The following MYOM1 variants were observed in gnomAD, a reference collection of about 807,000 sequenced individuals.
The protein encoded by MYOM1 is myomesin-1.
In MYOM1, 164 loss-of-function variants were observed where a neutral mutation model predicts 205.3. The ratio of observed to expected loss-of-function variants is 0.80; its 90% confidence interval spans 0.70 to 0.91. The LOEUF (loss-of-function observed/expected upper bound fraction) is 0.91. MYOM1 is among the 40% of genes least tolerant of loss of function. The pLI, the probability that MYOM1 is intolerant of heterozygous loss-of-function variation, is 0.00. For synonymous variants in MYOM1, 772 were observed against 789.4 expected (o/e 0.98, Z 0.37); for missense variants, 2,011 against 2,127.3 (o/e 0.95, Z 1.08).
chr18:3,197,717 CA>C (rs1007617656), intron 2 of MYOM1, among the ~76,000 whole-genome samples: 1 of 151,442 alleles, frequency 6.6e-6, no homozygotes, highest in Admixed American at 6.6e-5. Context: ...ACTAAAAATA[CA>C]AAAAATTAGC....
At chr18:3,137,912 G>A (rs184910232) in intron 14 of MYOM1, among the ~76,000 whole-genome samples, 60 of 152,250 alleles carry the variant, frequency 3.9e-4, no homozygotes, top group African/African-American at 1.3e-3. Flanking sequence ...AAAATATTCA[G>A]TGTACCCTGT....
intron 2 of MYOM1, among the ~76,000 whole-genome samples, chr18:3,206,604 T>C (rs960895901): frequency 3.9e-5 from 6 of 152,224 alleles, no homozygotes; most frequent in Admixed American, 1.3e-4. Context: ...GAAAACGTTG[T>C]TTTGGATCTA....
rs35774401 is a variant in MYOM1, at chr18:3,169,962, CA to C, written c.1175-982del. Among the ~76,000 whole-genome samples, 1,401 of 149,766 alleles carry C rather than the reference CA, an allele frequency of 9.4e-3. 21 individuals are homozygous for C. The highest frequency in any genetic ancestry group is 0.032 in the African/African-American group (1,314 of 40,864). On this transcript the variant is annotated intron_variant, in intron 8 of 37. Coordinates refer to ENST00000356443, the MANE Select transcript of MYOM1 (RefSeq NM_003803.4). ...ATATACTCAATGGAATGTTATTCAG[CA>C]AAAAAAAAGATTGAAATCCTGTCAT... is the stretch of plus-strand genomic sequence containing the variant.
intron 37 of MYOM1, among the ~76,000 whole-genome samples, chr18:3,067,919 C>T (rs947160897): frequency 2.0e-5 from 3 of 152,128 alleles, no homozygotes; most frequent in Middle Eastern, 3.2e-3. Flanking sequence ...TGTCTCGGTA[C>T]AGGAATCTCA....
chr18:3,124,297 TTTTTTC>T (rs1460754079), intron 19 of MYOM1, among the ~76,000 whole-genome samples: 4 of 83,614 alleles, frequency 4.8e-5, no homozygotes, highest in Non-Finnish European at 7.0e-5. Context: ...CAAACTTTTC[TTTTTTC>T]TTTTTTTTTT....
intron 3 of MYOM1, among the ~76,000 whole-genome samples, chr18:3,193,312 ATGTATATG>A (rs1233193612): frequency 2.1e-3 from 301 of 145,958 alleles, no homozygotes; most frequent in South Asian, 4.4e-3. Flanking sequence ...ACATATATAT[ATGTATATG>A]TACATATACA....
intron 5 of MYOM1, among the ~76,000 whole-genome samples, chr18:3,180,045 C>T (rs2080706176): frequency 6.6e-6 from 1 of 152,070 alleles, no homozygotes; most frequent in Admixed American, 6.6e-5. Context: ...GCCTGTAATC[C>T]CAGAACTTTG....
chr18:3,085,568 C>T (rs1386266211), intron 30 of MYOM1, among the ~76,000 whole-genome samples: 1 of 152,102 alleles, frequency 6.6e-6, no homozygotes, highest in Non-Finnish European at 1.5e-5. Flanking sequence ...GACTTTTTAC[C>T]TTCCAAGGCT....
chr18:3,113,311 T>C (rs1230703066), intron 21 of MYOM1, among the ~76,000 whole-genome samples: 2,673 of 42,026 alleles, frequency 0.064, 99 homozygotes, highest in African/African-American at 0.13. Context: ...TATATATATA[T>C]ATATATATAT....
At chr18:3,165,507 A>G (rs2080455148) in intron 9 of MYOM1, among the ~76,000 whole-genome samples, 1 of 152,220 alleles carries the variant, frequency 6.6e-6, no homozygotes, top group Non-Finnish European at 1.5e-5. Context: ...CAAATGCTAC[A>G]ATCTTTAAAT....
intron 2 of MYOM1, among the ~76,000 whole-genome samples, chr18:3,202,812 G>A (rs1030151566): frequency 6.6e-5 from 10 of 152,004 alleles, no homozygotes; most frequent in Non-Finnish European, 1.5e-4. Context: ...TCACCTTGAC[G>A]TGACTGATCT....
At chr18:3,217,619 G>T (rs1398005710) in intron 1 of MYOM1, among the ~76,000 whole-genome samples, 1 of 152,140 alleles carries the variant, frequency 6.6e-6, no homozygotes, top group Non-Finnish European at 1.5e-5. Context: ...CGAAAGCCAA[G>T]AAAATAGGTG....
intron 21 of MYOM1, among the ~76,000 whole-genome samples, chr18:3,112,636 T>A (rs1380864307): frequency 6.6e-6 from 1 of 152,238 alleles, no homozygotes; most frequent in African/African-American, 2.4e-5. Context: ...GAGTTTCCAA[T>A]ATCCATTCTC....
At chr18:3,134,275 C>T (rs575151798) in intron 16 of MYOM1, among the ~76,000 whole-genome samples, 1 of 152,316 alleles carries the variant, frequency 6.6e-6, no homozygotes, top group African/African-American at 2.4e-5. Context: ...TATCCTACAA[C>T]TTCAAACTCA....
intron 25 of MYOM1, among the ~76,000 whole-genome samples, chr18:3,095,612 C>T (rs997911740): frequency 6.6e-6 from 1 of 152,126 alleles, no homozygotes; most frequent in African/African-American, 2.4e-5. Flanking sequence ...TAAGAGAACA[C>T]ATTAAGGTAC....
intron 27 of MYOM1, among the ~76,000 whole-genome samples, chr18:3,090,216 TA>T (rs543422206): frequency 4.5e-5 from 5 of 110,552 alleles, no homozygotes; most frequent in African/African-American, 1.6e-4. Context: ...CTGAAAACTG[TA>T]TTTTTTTTTT....
the MYOM1 span, among the ~76,000 whole-genome samples, chr18:3,242,537 C>A: frequency 2.6e-5 from 4 of 152,176 alleles, no homozygotes; most frequent in Non-Finnish European, 4.4e-5. Context: ...GAGATGGAGT[C>A]TTGCTCTGTA....
rs763659581 is a variant in MYOM1 at position 3,090,667 on chromosome 18, C to A, written c.4000G>T (p.Val1334Phe). Residue 1334 changes from valine to phenylalanine, a missense_variant, in exon 27 of 38, where the codon GTT becomes TTT. Physicochemically the swap from Val to Phe is conservative, Grantham distance 50. Transcript: ENST00000356443. The stretch of plus-strand genomic sequence containing the variant: ...TCCACGGAATTCTTACCATCTCCAA[C>A]GAGAACAACAGTAGAATGGTTAGTT... The part of the protein sequence containing the change: ...KATNHSTVVL[V>F]GDVFKKLQKE... 1 of 1,613,906 alleles carries A rather than the reference C, an allele frequency of 6.2e-7. No homozygotes were observed. Among genetic ancestry groups the A allele is most frequent in the South Asian group, 1.1e-5 (1 of 91,074 alleles).
intron 33 of MYOM1, among the ~76,000 whole-genome samples, chr18:3,081,130 CAAAA>C (rs752878328): frequency 1.8e-5 from 2 of 113,952 alleles, no homozygotes; most frequent in East Asian, 5.1e-4. Flanking sequence ...GACTCCGTCT[CAAAA>C]AAAAAAAAAA....
Sources: allele counts gnomAD v4.1 joint callset (sites outside exome capture counted in the v4.1 genomes callset), GRCh38; gene constraint gnomAD v4.1.1; transcripts MANE v1.5; gene names NCBI Gene and HGNC (gene_info 2026-07-23, HGNC 2026-07-21).